Variants in IGSF21 observed in about 807,000 individuals in gnomAD.
IGSF21 encodes the protein immunoglobulin superfamily member 21.
IGSF21 carries 28 observed loss-of-function variants against 46.8 expected under a neutral mutation model. The ratio of observed to expected loss-of-function variants is 0.60; its 90% CI spans 0.44 to 0.82. IGSF21 has a LOEUF of 0.82. IGSF21 is among the 40% of genes least tolerant of loss of function. IGSF21 has a pLI of 0.00. For missense variants in IGSF21, 624 were observed against 665.5 expected (o/e 0.94, Z 0.69); for synonymous variants, 284 against 273.6 (o/e 1.04, Z -0.38).
intron 1 of IGSF21, among the ~76,000 whole-genome samples, chr1:18,169,379 G>A (rs976023589): frequency 4.6e-5 from 7 of 152,194 alleles, no homozygotes; most frequent in Admixed American, 6.5e-5. Flanking sequence ...AAGCCCAGGC[G>A]TATTTCTTTC....
intron 2 of IGSF21, among the ~76,000 whole-genome samples, chr1:18,254,596 G>T (rs1305661947): frequency 6.6e-6 from 1 of 152,116 alleles, no homozygotes; most frequent in Non-Finnish European, 1.5e-5. Context: ...AGTCTAGTAG[G>T]TGCCATTGAA....
At chr1:18,360,231 C>A (rs1422930005) in intron 4 of IGSF21, among the ~76,000 whole-genome samples, 1 of 152,134 alleles carries the variant, frequency 6.6e-6, no homozygotes, top group Admixed American at 6.5e-5. Flanking sequence ...GTATTTTTCC[C>A]TTCTCGGAAT....
intron 2 of IGSF21, among the ~76,000 whole-genome samples, chr1:18,253,043 C>G (rs1428501884): frequency 1.3e-5 from 2 of 152,132 alleles, no homozygotes; most frequent in Non-Finnish European, 2.9e-5. Context: ...ACCCAGCACC[C>G]TGGGTGCTGT....
At chr1:18,252,718 GCTGCT>G (rs966308468) in intron 2 of IGSF21, among the ~76,000 whole-genome samples, 8 of 152,200 alleles carry the variant, frequency 5.3e-5, no homozygotes, top group Non-Finnish European at 1.0e-4. Flanking sequence ...AAATCTGTCT[GCTGCT>G]CTTTTTCCTT....
chr1:18,279,533 C>T (rs940032959), intron 2 of IGSF21, among the ~76,000 whole-genome samples: 5 of 152,174 alleles, frequency 3.3e-5, no homozygotes, highest in African/African-American at 1.2e-4. Context: ...ATCAGCCATC[C>T]CCTGGGCCCC....
rs1446674426 is a variant in IGSF21, at chr1:18,334,843, A to T, written c.306-49A>T. On this transcript the variant is annotated intron_variant, in intron 3 of 9. Transcript: ENST00000251296. The surrounding 1 kb of genome is among the most constrained non-coding windows in gnomAD (Gnocchi z 4.3). ...GATGAGTTTCCTTGAACGCTGCCTC[A>T]CCCAGCCCCACGATGAAGGGCCCTC... 2 of 1,407,314 alleles carry T rather than the reference A, an allele frequency of 1.4e-6. No individual in the cohort carries two copies. Among genetic ancestry groups the T allele is most frequent in the Admixed American group, 3.4e-5 (2 of 59,582 alleles). 87.2% of individuals were successfully genotyped at this position (1,407,314 alleles called of 1,614,324 possible). A position where few individuals can be genotyped will look rare whatever the true frequency, so the allele number is the denominator to read the frequency against.
At chr1:18,231,238 A>G (rs1356148973) in intron 2 of IGSF21, among the ~76,000 whole-genome samples, 1 of 152,238 alleles carries the variant, frequency 6.6e-6, no homozygotes, top group African/African-American at 2.4e-5. Context: ...CAAAGGGATC[A>G]TCCTGAGCTG....
At chr1:18,181,387 G>A (rs780269110) in intron 1 of IGSF21, among the ~76,000 whole-genome samples, 42 of 152,160 alleles carry the variant, frequency 2.8e-4, no homozygotes, top group Non-Finnish European at 4.7e-4. Context: ...TGACCCAAAC[G>A]CTGTTTTGGC....
At position 18,344,691 on chromosome 1, in the gene IGSF21, A is replaced by C. The variant is rs115765618; in HGVS notation, c.424+9681A>C. On this transcript the variant is annotated intron_variant, in intron 4 of 9. Coordinates refer to ENST00000251296, the MANE Select transcript of IGSF21 (RefSeq NM_032880.5). ...GGTGGTCCAAGGGGCAGGGTAGGTC[A>C]GTGGAGGGAGGCTGCCAGTCTGAGA... Among the ~76,000 whole-genome samples the C allele has an allele frequency of 7.7e-3, 1,177 of 152,252 alleles. 15 individuals are homozygous for C. Among genetic ancestry groups the C allele is most frequent in the African/African-American group, 0.026 (1,081 of 41,538 alleles).
intron 2 of IGSF21, among the ~76,000 whole-genome samples, chr1:18,241,732 A>C (rs1272672754): frequency 3.3e-5 from 5 of 152,142 alleles, no homozygotes; most frequent in Admixed American, 3.3e-4. Flanking sequence ...CGGTGCGTTC[A>C]GGTCAGGTGC....
chr1:18,203,716 G>C (rs1347511272), intron 1 of IGSF21, among the ~76,000 whole-genome samples: 1 of 152,196 alleles, frequency 6.6e-6, no homozygotes, highest in Non-Finnish European at 1.5e-5. Flanking sequence ...CTATGAAGGG[G>C]AACAGGTGGG....
chr1:18,287,173 T>G (rs2085220492), intron 2 of IGSF21, among the ~76,000 whole-genome samples: 1 of 90,062 alleles, frequency 1.1e-5, no homozygotes, highest in Non-Finnish European at 2.5e-5. Flanking sequence ...AGAGCGAGAC[T>G]CCGTCTCAAA....
chr1:18,225,492 C>T (rs2084557572), intron 1 of IGSF21, among the ~76,000 whole-genome samples: 1 of 152,176 alleles, frequency 6.6e-6, no homozygotes, highest in African/African-American at 2.4e-5. Flanking sequence ...CTCACAGGCA[C>T]ACACCATCTG....
intron 1 of IGSF21, among the ~76,000 whole-genome samples, chr1:18,152,551 C>T (rs998496081): frequency 5.3e-5 from 8 of 152,156 alleles, no homozygotes; most frequent in African/African-American, 1.9e-4. Context: ...TGAACCTTAG[C>T]TCGCTCATCT....
intron 2 of IGSF21, among the ~76,000 whole-genome samples, chr1:18,245,225 T>A (rs912340118): frequency 6.6e-6 from 1 of 152,238 alleles, no homozygotes; most frequent in African/African-American, 2.4e-5. Context: ...GGAAGGTTAC[T>A]TCTATTCCAA....
intron 1 of IGSF21, among the ~76,000 whole-genome samples, chr1:18,162,983 T>C (rs1024823126): frequency 2.0e-5 from 3 of 151,642 alleles, no homozygotes; most frequent in African/African-American, 7.3e-5. Flanking sequence ...ACATTGGGGG[T>C]GGTAGACGGA....
At chr1:18,126,101 T>C (rs933389920) in intron 1 of IGSF21, among the ~76,000 whole-genome samples, 5 of 152,064 alleles carry the variant, frequency 3.3e-5, no homozygotes, top group Non-Finnish European at 7.4e-5. Flanking sequence ...CAAACTGTGC[T>C]CCTTTGAACC....
chr1:18,260,946 A>C (rs1299587562), intron 2 of IGSF21, among the ~76,000 whole-genome samples: 1 of 152,228 alleles, frequency 6.6e-6, no homozygotes, highest in East Asian at 1.9e-4. Flanking sequence ...GGAGGTATGC[A>C]GAGTGAGGGA....
chr1:18,302,799 T>C (rs2085374840), intron 3 of IGSF21, among the ~76,000 whole-genome samples: 1 of 152,134 alleles, frequency 6.6e-6, no homozygotes, highest in African/African-American at 2.4e-5. Context: ...TCTCCTTGGT[T>C]GGGTCTTGGG....
Sources: gnomAD v4.1 joint callset for allele counts (sites outside exome capture counted in the v4.1 genomes callset) on GRCh38, gnomAD v4.1.1 for gene constraint, Gnocchi (gnomAD v3.1) non-coding constraint, MANE v1.5 for transcripts, NCBI Gene and HGNC (gene_info 2026-07-23, HGNC 2026-07-21) for gene names.